UST: variants seen among roughly 807,000 people sequenced by gnomAD.
UST encodes the protein chondroitin sulfate 2-O-sulfotransferase.
In UST, 21 loss-of-function variants were observed where a neutral mutation model predicts 45.6. That is an observed-to-expected ratio of 0.46 (90% confidence interval 0.33 to 0.66). The LOEUF (loss-of-function observed/expected upper bound fraction) is 0.66. Among genes scored for constraint, UST ranks in the 30% least tolerant of loss-of-function variants. The pLI, the probability that UST is intolerant of heterozygous loss-of-function variation, is 0.02. For missense variants in UST, 463 were observed against 512.4 expected, an observed-to-expected ratio of 0.90 and a Z score of 0.93; for synonymous variants, 215 against 200.6, an observed-to-expected ratio of 1.07 and a Z score of -0.61.
At chr6:148,766,331 A>G (rs1366426226) in intron 1 of UST, among the ~76,000 whole-genome samples, 2 of 151,482 alleles carry the variant, frequency 1.3e-5, no homozygotes, top group Non-Finnish European at 2.9e-5. Context: ...ATGTTCTCCT[A>G]TCACTCTCAC....
At chr6:148,941,647 C>T (rs1780129556) in intron 3 of UST, among the ~76,000 whole-genome samples, 1 of 152,096 alleles carries the variant, frequency 6.6e-6, no homozygotes, top group South Asian at 2.1e-4. Context: ...GGGATACTTC[C>T]ATTAGGACTG....
chr6:148,836,220 C>G (rs1015556989), intron 1 of UST, among the ~76,000 whole-genome samples: 1 of 152,162 alleles, frequency 6.6e-6, no homozygotes, highest in African/African-American at 2.4e-5. Context: ...TCGCCAAAAG[C>G]CAATGCTAAT....
chr6:148,958,838 A>G (rs1411970952), intron 4 of UST: 1 of 152,210 alleles, frequency 6.6e-6, no homozygotes, highest in Non-Finnish European at 1.5e-5. Flanking sequence ...ACCCTTAAGA[A>G]GCTTTGCCTC....
At chr6:148,794,182 A>G (rs1257700183) in intron 1 of UST, among the ~76,000 whole-genome samples, 1 of 152,190 alleles carries the variant, frequency 6.6e-6, no homozygotes, top group East Asian at 1.9e-4. Flanking sequence ...AATAATTTTT[A>G]TCTCTGTTAG....
chr6:149,032,404 G>C (rs1280057330), intron 7 of UST: 1 of 153,086 alleles, frequency 6.5e-6, no homozygotes, highest in East Asian at 1.9e-4. Flanking sequence ...GCTCCTGCTG[G>C]CCCCATGTGC....
intron 7 of UST, among the ~76,000 whole-genome samples, chr6:149,037,956 G>A (rs1562336332): frequency 6.6e-6 from 1 of 152,170 alleles, no homozygotes; most frequent in Non-Finnish European, 1.5e-5. Flanking sequence ...CCTCCGAGGC[G>A]CCATGATTCT....
At chr6:148,931,071 T>C (rs75695500) in intron 2 of UST, among the ~76,000 whole-genome samples, 1 of 152,334 alleles carries the variant, frequency 6.6e-6, no homozygotes, top group East Asian at 1.9e-4. Flanking sequence ...GGGCAGTCTC[T>C]TCTTCTGAGG....
intron 1 of UST, among the ~76,000 whole-genome samples, chr6:148,776,415 C>T (rs1776536346): frequency 6.6e-6 from 1 of 152,184 alleles, no homozygotes; most frequent in South Asian, 2.1e-4. Context: ...CGCAACTGAG[C>T]CTTTCAGGGA....
chr6:148,766,120 T>C (rs1360412734), intron 1 of UST, among the ~76,000 whole-genome samples: 1 of 152,212 alleles, frequency 6.6e-6, no homozygotes, highest in Non-Finnish European at 1.5e-5. Context: ...ATGGTTTTGG[T>C]TAGGCTTATA....
intron 1 of UST, among the ~76,000 whole-genome samples, chr6:148,763,767 G>A (rs962500393): frequency 6.6e-5 from 10 of 152,150 alleles, no homozygotes; most frequent in South Asian, 2.1e-4. Context: ...TTTCCCCATC[G>A]TATATTTTTG....
intron 2 of UST, among the ~76,000 whole-genome samples, chr6:148,924,385 A>G (rs1420540254): frequency 6.6e-6 from 1 of 152,122 alleles, no homozygotes; most frequent in Non-Finnish European, 1.5e-5. Context: ...TCACAAAGAA[A>G]TCCCTAGGAG....
chr6:148,882,660 T>G (rs1778844546), intron 1 of UST, among the ~76,000 whole-genome samples: 1 of 152,018 alleles, frequency 6.6e-6, no homozygotes, highest in Non-Finnish European at 1.5e-5. Context: ...ATTTTTGCAT[T>G]TTATGGAGCA....
chr6:149,054,616 T>C (rs1329511910), intron 7 of UST, among the ~76,000 whole-genome samples: 2 of 152,142 alleles, frequency 1.3e-5, no homozygotes, highest in African/African-American at 4.8e-5. Context: ...GTTTGTAATC[T>C]AAGAGAGGAA....
intron 1 of UST, among the ~76,000 whole-genome samples, chr6:148,804,392 A>AG (rs1304288935): frequency 3.9e-5 from 6 of 152,050 alleles, no homozygotes; most frequent in Non-Finnish European, 5.9e-5. Flanking sequence ...TGTGTGTGTG[A>AG]GGGGGGGTCA....
intron 1 of UST, among the ~76,000 whole-genome samples, chr6:148,769,899 C>T (rs1205959303): frequency 1.3e-5 from 2 of 151,392 alleles, no homozygotes; most frequent in South Asian, 2.1e-4. Context: ...AAAAGACCTT[C>T]TAAGATTATG....
intron 2 of UST, among the ~76,000 whole-genome samples, chr6:148,910,754 A>G (rs933959168): frequency 6.6e-6 from 1 of 152,246 alleles, no homozygotes; most frequent in South Asian, 2.1e-4. Context: ...TATTTAACCC[A>G]TACCTTACAT....
chr6:149,043,098 T>C (rs1237322147), intron 7 of UST, among the ~76,000 whole-genome samples: 3 of 151,298 alleles, frequency 2.0e-5, no homozygotes, highest in Non-Finnish European at 4.4e-5. Context: ...TTTCTCTTGT[T>C]TCTTTTCATT....
At position 149,021,413 on chromosome 6, in the gene UST, T is replaced by G. The variant is rs1775979670; in HGVS notation, c.869T>G (p.Val290Gly). The change falls in exon 7 of 8, where the codon GTG (valine) becomes GGG (glycine). Residue 290 changes from valine to glycine, a missense_variant. Physicochemically the swap from Val to Gly is moderately radical, Grantham distance 109. Transcript: ENST00000367463. The part of the protein sequence containing the change: ...LVGILEELED[V>G]LLLLERFLPH... ...GGGATTCTTGAAGAGTTGGAAGATG[T>G]GCTGCTGTTACTGGAAAGATTTTTA... 5 of 1,614,224 alleles carry G rather than the reference T, an allele frequency of 3.1e-6. No individual in the cohort carries two copies. Among genetic ancestry groups the G allele is most frequent in the Non-Finnish European group, 4.2e-6 (5 of 1,180,040 alleles).
intron 1 of UST, among the ~76,000 whole-genome samples, chr6:148,860,932 A>T (rs1778300810): frequency 6.6e-6 from 1 of 152,180 alleles, no homozygotes; most frequent in South Asian, 2.1e-4. Flanking sequence ...ATTGATGTTC[A>T]TCAGGGATAT....
Sources: gnomAD v4.1 joint callset for allele counts (sites outside exome capture counted in the v4.1 genomes callset) on GRCh38, gnomAD v4.1.1 for gene constraint, MANE v1.5 for transcripts, NCBI Gene and HGNC (gene_info 2026-07-23, HGNC 2026-07-21) for gene names.